The following BFSP2 variants were observed in gnomAD, a reference collection of about 807,000 sequenced individuals.
BFSP2 encodes beaded filament structural protein 2.
Under a neutral mutation model 44.9 loss-of-function variants are expected in BFSP2, and 38 were observed. That is an observed-to-expected ratio of 0.85 (90% CI 0.65 to 1.11). The LOEUF is 1.11. Among genes scored for constraint, BFSP2 ranks in the 50% least tolerant of loss-of-function variants. The pLI, the probability that BFSP2 is intolerant of heterozygous loss-of-function variation, is 0.00. For synonymous variants in BFSP2, 197 were observed against 209.9 expected (o/e 0.94, Z 0.53); for missense variants, 525 against 533.0 (o/e 0.99, Z 0.15).
chr3:133,415,158 T>C (rs1576561568), intron 1 of BFSP2, among the ~76,000 whole-genome samples: 2 of 41,888 alleles, frequency 4.8e-5, no homozygotes, highest in African/African-American at 9.6e-5. Flanking sequence ...TCCCCCGTCC[T>C]CTCCCCATCC....
chr3:133,428,258 G>C (rs1185359602), intron 1 of BFSP2, among the ~76,000 whole-genome samples: 1 of 152,114 alleles, frequency 6.6e-6, no homozygotes. Context: ...GGAGAAACCC[G>C]CAAGAGGCAG....
intron 1 of BFSP2, among the ~76,000 whole-genome samples, chr3:133,424,059 G>A (rs1278102589): frequency 6.6e-6 from 1 of 151,066 alleles, no homozygotes; most frequent in Non-Finnish European, 1.5e-5. Context: ...TTGCGGGGGC[G>A]GGGGCGGCGG....
At chr3:133,414,612 AC>A (rs1434372053) in intron 1 of BFSP2, among the ~76,000 whole-genome samples, 1 of 68,878 alleles carries the variant, frequency 1.5e-5, no homozygotes, top group Non-Finnish European at 2.8e-5. Flanking sequence ...CTCTACTTAT[AC>A]CTGCCATCTC....
chr3:133,403,099 C>T (rs919849155), intron 1 of BFSP2, among the ~76,000 whole-genome samples: 3 of 152,142 alleles, frequency 2.0e-5, no homozygotes, highest in African/African-American at 7.2e-5. Flanking sequence ...CCACCAGGCC[C>T]CCACCCCTTT....
intron 4 of BFSP2, among the ~76,000 whole-genome samples, chr3:133,465,170 C>T (rs2074098752): frequency 6.6e-6 from 1 of 151,882 alleles, no homozygotes; most frequent in African/African-American, 2.4e-5. Flanking sequence ...TCACGCCTGG[C>T]TAATTTTTGT....
intron 1 of BFSP2, among the ~76,000 whole-genome samples, chr3:133,401,812 G>A (rs917437038): frequency 1.3e-5 from 2 of 152,104 alleles, no homozygotes; most frequent in African/African-American, 4.8e-5. Flanking sequence ...GTATAGCTGG[G>A]GGAAGCTAAG....
chr3:133,430,741 TCCCAAC>T (rs1000771234), intron 1 of BFSP2, among the ~76,000 whole-genome samples: 1 of 152,080 alleles, frequency 6.6e-6, no homozygotes, highest in African/African-American at 2.4e-5. Context: ...GTCCCCTCAG[TCCCAAC>T]CCCAAGCGTC....
chr3:133,400,583 A>C lies in BFSP2; in HGVS notation c.489+11A>C. On this transcript the variant is annotated intron_variant, in intron 1 of 6. Transcript: ENST00000302334. The surrounding 1 kb of genome is among the most constrained non-coding windows in gnomAD (Gnocchi z 4.0). ...AGCAGCTGCCAGCAGGTAAGTGTCC[A>C]GGCTGTGCCAAGGGCTTTGCAGAGG... The C allele has an allele frequency of 6.3e-7, 1 of 1,586,016 alleles. No homozygotes were observed. Among genetic ancestry groups the C allele is most frequent in the Middle Eastern group, 1.7e-4 (1 of 5,874 alleles).
intron 5 of BFSP2, among the ~76,000 whole-genome samples, chr3:133,470,250 A>G (rs1223843258): frequency 6.6e-6 from 1 of 152,210 alleles, no homozygotes; most frequent in African/African-American, 2.4e-5. Flanking sequence ...CTCATATCCT[A>G]TGGAATTAAG....
chr3:133,427,083 CA>C (rs2073661204), intron 1 of BFSP2, among the ~76,000 whole-genome samples: 1 of 152,170 alleles, frequency 6.6e-6, no homozygotes, highest in Admixed American at 6.5e-5. Flanking sequence ...TGGTTTAAGC[CA>C]ATTATCTCAT....
At chr3:133,461,561 T>A (rs2074064266) in intron 4 of BFSP2, among the ~76,000 whole-genome samples, 1 of 152,192 alleles carries the variant, frequency 6.6e-6, no homozygotes, top group Non-Finnish European at 1.5e-5. Flanking sequence ...CTCTGGTCTA[T>A]GAGAAGAAAT....
At chr3:133,436,947 A>G (rs2107911511) in intron 1 of BFSP2, among the ~76,000 whole-genome samples, 1 of 152,246 alleles carries the variant, frequency 6.6e-6, no homozygotes, top group South Asian at 2.1e-4. Flanking sequence ...ATCCTTTTTT[A>G]TGGCTGCATA....
intron 5 of BFSP2, among the ~76,000 whole-genome samples, 154 bp downstream of exon 5, chr3:133,467,113 C>G (rs943401206): frequency 2.0e-5 from 3 of 152,228 alleles, no homozygotes; most frequent in African/African-American, 7.2e-5. Context: ...CAAGGATCAT[C>G]AGATACTGAA....
intron 4 of BFSP2, among the ~76,000 whole-genome samples, chr3:133,462,368 G>T (rs1231482330): frequency 6.6e-6 from 1 of 152,210 alleles, no homozygotes; most frequent in Admixed American, 6.5e-5. Context: ...TTTTGCTAAT[G>T]AAACTAAGAC....
At chr3:133,444,142 G>T (rs559239596) in intron 1 of BFSP2, among the ~76,000 whole-genome samples, 2 of 151,746 alleles carry the variant, frequency 1.3e-5, no homozygotes, top group Admixed American at 6.6e-5. Context: ...CCACTAGATG[G>T]AAGTCTTCAT....
intron 5 of BFSP2, among the ~76,000 whole-genome samples, chr3:133,470,629 T>G (rs988031283): frequency 6.6e-6 from 1 of 152,146 alleles, no homozygotes. Flanking sequence ...TGGGGAGACA[T>G]AGATAGTGCA....
intron 1 of BFSP2, among the ~76,000 whole-genome samples, chr3:133,409,602 T>C (rs1485138603): frequency 1.3e-5 from 2 of 152,072 alleles, no homozygotes; most frequent in Non-Finnish European, 2.9e-5. Context: ...GGATAGGAAA[T>C]ATTCAAGACG....
At chr3:133,415,496 G>A (rs2073514277) in intron 1 of BFSP2, among the ~76,000 whole-genome samples, 1 of 60,804 alleles carries the variant, frequency 1.6e-5, no homozygotes, top group African/African-American at 7.1e-5. Context: ...AGTCACCCCT[G>A]CCCTCTCCCT....
At chr3:133,459,343 CAAAAT>C (rs1475054431) in intron 4 of BFSP2, among the ~76,000 whole-genome samples, 6 of 152,132 alleles carry the variant, frequency 3.9e-5, no homozygotes, top group Non-Finnish European at 7.3e-5. Context: ...GACCCCGTCT[CAAAAT>C]AAAATAATAG....
Sources: allele counts gnomAD v4.1 joint callset (sites outside exome capture counted in the v4.1 genomes callset), GRCh38; gene constraint gnomAD v4.1.1; non-coding constraint Gnocchi (gnomAD v3.1); transcripts MANE v1.5; gene names NCBI Gene and HGNC (gene_info 2026-07-23, HGNC 2026-07-21).